Variants in CSMD3 observed in about 807,000 individuals in gnomAD.
CSMD3 encodes the protein CUB and Sushi multiple domains 3, also known as CUB and sushi domain-containing protein 3.
In CSMD3, 177 loss-of-function variants were observed where a neutral mutation model predicts 435.2. The ratio of observed to expected loss-of-function variants is 0.41; its 90% CI spans 0.36 to 0.46. The LOEUF is 0.46. Among genes scored for constraint, CSMD3 ranks in the 20% least tolerant of loss-of-function variants. The pLI is 0.34. For missense variants in CSMD3, 4,265 were observed against 4,504.6 expected (o/e 0.95, Z 1.52); for synonymous variants, 1,656 against 1,520.5 (o/e 1.09, Z -2.07).
rs1428000566 is a variant in CSMD3 at position 112,636,824 on chromosome 8, C to T, written c.3708G>A (p.Arg1236=). The change falls in exon 22 of 71, where the codon AGG becomes AGA. Residue 1236 remains arginine (R), a synonymous_variant. Transcript: ENST00000297405. ...GRRVWSAPLP[R]CVAECGASAT... ...AAGCAGCTGACCACGTACCCACACA[C>T]CTTGGCAGAGGTGCACTCCACACTC... 1 of 1,613,230 alleles carries T rather than the reference C, an allele frequency of 6.2e-7. No homozygotes were observed. Among genetic ancestry groups the T allele is most frequent in the Non-Finnish European group, 8.5e-7 (1 of 1,179,490 alleles).
chr8:112,655,088 C>T (rs985618332), intron 18 of CSMD3, among the ~76,000 whole-genome samples: 8 of 151,868 alleles, frequency 5.3e-5, no homozygotes, highest in African/African-American at 1.9e-4. Context: ...TATAGTCAAA[C>T]AATACTGTAG....
chr8:112,295,263 C>T (rs566214141), intron 54 of CSMD3, among the ~76,000 whole-genome samples: 56 of 152,136 alleles, frequency 3.7e-4, no homozygotes, highest in African/African-American at 1.1e-3. Context: ...AAGGGAATTA[C>T]GGCCCAGAGA....
intron 10 of CSMD3, among the ~76,000 whole-genome samples, chr8:112,880,881 A>G (rs892315857): frequency 6.6e-6 from 1 of 152,088 alleles, no homozygotes; most frequent in African/African-American, 2.4e-5. Context: ...CAGGAAGTCC[A>G]GTCTTATAAC....
chr8:113,412,373 C>T (rs2094563547), intron 1 of CSMD3, among the ~76,000 whole-genome samples: 1 of 152,022 alleles, frequency 6.6e-6, no homozygotes, highest in African/African-American at 2.4e-5. Flanking sequence ...ACTGGGTGGA[C>T]TTGCAGAGTA....
chr8:113,434,305 T>G (rs1037771914), intron 1 of CSMD3, among the ~76,000 whole-genome samples: 1 of 152,206 alleles, frequency 6.6e-6, no homozygotes. Context: ...TCTGAGGTTT[T>G]TCATGGACCT....
chr8:113,229,967 GCTGTGTTTACCA>G (rs2093067290), intron 3 of CSMD3, among the ~76,000 whole-genome samples: 1 of 151,612 alleles, frequency 6.6e-6, no homozygotes, highest in Admixed American at 6.6e-5. Context: ...GCTTGTGACT[GCTGTGTTTACCA>G]CTGTGTTTAC....
chr8:113,065,843 A>G (rs1412531311), intron 5 of CSMD3, among the ~76,000 whole-genome samples: 1 of 152,162 alleles, frequency 6.6e-6, no homozygotes, highest in Non-Finnish European at 1.5e-5. Flanking sequence ...TAGTTTTTAT[A>G]TCACATGTAG....
chr8:112,289,244 T>C (rs1029538600), intron 57 of CSMD3, 121 bp downstream of exon 57: 27 of 881,078 alleles, frequency 3.1e-5, no homozygotes, highest in Admixed American at 1.0e-4. Context: ...GCTTTTCTTA[T>C]GAGATTTTTC....
intron 10 of CSMD3, among the ~76,000 whole-genome samples, chr8:112,911,739 T>A (rs1452509231): frequency 1.4e-5 from 2 of 145,850 alleles, no homozygotes; most frequent in African/African-American, 5.0e-5. Context: ...ATGTATTATA[T>A]TATGTATACA....
intron 17 of CSMD3, among the ~76,000 whole-genome samples, chr8:112,659,265 G>T (rs1056372221): frequency 2.0e-5 from 3 of 152,060 alleles, no homozygotes; most frequent in Non-Finnish European, 2.9e-5. Context: ...ATGGGATAGG[G>T]TTACACAATA....
chr8:113,207,856 G>A (rs1390882955), intron 3 of CSMD3, among the ~76,000 whole-genome samples: 1 of 152,046 alleles, frequency 6.6e-6, no homozygotes, highest in Non-Finnish European at 1.5e-5. Flanking sequence ...ATAATATAAC[G>A]ATTTTTAAAT....
intron 5 of CSMD3, among the ~76,000 whole-genome samples, chr8:113,032,721 T>G (rs1370272285): frequency 6.6e-6 from 1 of 151,530 alleles, no homozygotes; most frequent in Non-Finnish European, 1.5e-5. Flanking sequence ...GAAATGTGCA[T>G]AAGTAATGAG....
At position 112,937,823 on chromosome 8, in the gene CSMD3, C is replaced by T. The variant is rs185192216; in HGVS notation, c.1508+9967G>A. ...AAGAAGATGACAGTGCAAGTTTACT[C>T]AAATTCAATGCAGCAAGTGATTCTT... On this transcript the variant is annotated intron_variant, in intron 9 of 70. Transcript: ENST00000297405. 5.0e-3 allele frequency among the ~76,000 whole-genome samples: 754 copies of T among 152,130 alleles called. 1 individual carries two copies. The highest frequency in any genetic ancestry group is 0.016 in the African/African-American group (669 of 41,522).
In CSMD3 at chr8:112,311,056, C is replaced by T. The variant is rs760322698; in HGVS notation, c.7807G>A (p.Val2603Ile). 10 of 1,613,970 alleles carry T rather than the reference C, an allele frequency of 6.2e-6. No individual in the cohort carries two copies. In the East Asian group the frequency reaches 1.1e-4, roughly 18 times the overall value. Residue 2603 changes from valine to isoleucine, a missense_variant, in exon 50 of 71, where the codon GTT (valine) becomes ATT (isoleucine). By Grantham distance (29) the Val-to-Ile change is conservative (BLOSUM62 3). Transcript: ENST00000297405. ...RWACDRGFRL[V>I]GKSSAVCRKS... ...CTGCACACAGCACTGCTTTTTCCAA[C>T]AAGTCGGAATCCTCGATCACAGGCC...
At chr8:112,347,879 G>C (rs1288536163) in intron 40 of CSMD3, among the ~76,000 whole-genome samples, 6 of 152,144 alleles carry the variant, frequency 3.9e-5, no homozygotes, top group Non-Finnish European at 1.5e-5. Context: ...TTGAGTAAAA[G>C]GCAAGGACTA....
In CSMD3 at chr8:113,313,171, T is replaced by G. The variant is rs1196434591; in HGVS notation, c.401+1400A>C. ...ACCGGCCTTACTACCATCTCTCAGTTTAAACAGAGGTAGCGTAGATTGCTC... is the reference window on the plus strand; with the variant it reads ...ACCGGCCTTACTACCATCTCTCAGTGTAAACAGAGGTAGCGTAGATTGCTC... On this transcript the variant is annotated intron_variant, in intron 2 of 70. Coordinates refer to ENST00000297405, the MANE Select transcript of CSMD3 (RefSeq NM_198123.2). 3 of 152,078 alleles carry G rather than the reference T, an allele frequency of 2.0e-5. No individual in the cohort carries two copies. The East Asian group carries it at 5.8e-4, about 29-fold the overall frequency. The allele number at this position is 152,078 out of a possible 1,614,324, so 9.4% of individuals were successfully genotyped here.
chr8:112,319,754 C>T lies in CSMD3; in HGVS notation c.7246+147G>A, dbSNP rs1822816083. On this transcript the variant is annotated intron_variant, in intron 46 of 70. Transcript: ENST00000297405. ...TCCCTTTCCTCTTTTCACTCCTTCTCCCTTCTTAAAAATTCTAAATAATCT... is the reference window on the plus strand; with the variant it reads ...TCCCTTTCCTCTTTTCACTCCTTCTTCCTTCTTAAAAATTCTAAATAATCT... 4.4e-6 allele frequency: 3 copies of T among 687,646 alleles called. No homozygotes were observed. The Admixed American group carries it at 6.5e-5, about 15-fold the overall frequency. 42.6% of individuals were successfully genotyped at this position (687,646 alleles called of 1,614,324 possible). A position where few individuals can be genotyped will look rare whatever the true frequency, so the allele number is the denominator to read the frequency against.
intron 13 of CSMD3, among the ~76,000 whole-genome samples, chr8:112,779,446 AC>A (rs2078328306): frequency 6.6e-6 from 1 of 151,960 alleles, no homozygotes; most frequent in African/African-American, 2.4e-5. Flanking sequence ...TAGCCTATGA[AC>A]TTTTTTCCCT....
intron 4 of CSMD3, among the ~76,000 whole-genome samples, chr8:113,172,984 CAA>C (rs1412981490): frequency 6.6e-6 from 1 of 152,100 alleles, no homozygotes; most frequent in Non-Finnish European, 1.5e-5. Flanking sequence ...CCCCATGATA[CAA>C]ATAATCTTAA....
Sources: gnomAD v4.1 joint callset for allele counts (sites outside exome capture counted in the v4.1 genomes callset) on GRCh38, gnomAD v4.1.1 for gene constraint, MANE v1.5 for transcripts, NCBI Gene and HGNC (gene_info 2026-07-23, HGNC 2026-07-21) for gene names.